NUP210L: variants seen among roughly 807,000 people sequenced by gnomAD.
NUP210L encodes the protein nuclear pore membrane glycoprotein 210-like.
Under a neutral mutation model 208.5 loss-of-function variants are expected in NUP210L, and 74 were observed. The observed-to-expected ratio is 0.35, with a 90% confidence interval of 0.29 to 0.43. NUP210L has a LOEUF of 0.43. Ranked by LOEUF, NUP210L falls within the 20% of genes least tolerant of loss-of-function variation. NUP210L has a pLI of 1.00. For missense variants in NUP210L, 1,843 were observed against 2,289.4 expected (o/e 0.81, Z 3.98); for synonymous variants, 780 against 816.9 (o/e 0.95, Z 0.77).
chr1:154,078,576 C>T lies in NUP210L; in HGVS notation c.2362-8111G>A, dbSNP rs534308558. On this transcript the variant is annotated intron_variant, in intron 16 of 39. Coordinates refer to ENST00000368559, the Ensembl canonical transcript of NUP210L. ...CATCACTGCACTCCAGCCTGGGCAACGAAGTGAGAATCTGTCTCAAAAAAA... is the reference window on the plus strand; with the variant it reads ...CATCACTGCACTCCAGCCTGGGCAATGAAGTGAGAATCTGTCTCAAAAAAA... 4.2e-5 allele frequency among the ~76,000 whole-genome samples: 6 copies of T among 144,554 alleles called. No homozygotes were observed. The South Asian group carries it at 6.5e-4, about 16-fold the overall frequency. 94.8% of individuals were successfully genotyped at this position (144,554 alleles called of 152,430 possible). A position where few individuals can be genotyped will look rare whatever the true frequency, so the allele number is the denominator to read the frequency against.
intron 24 of NUP210L, 126 bp from the exon 25 acceptor site, chr1:154,054,533 A>T (rs571230083): frequency 8.7e-5 from 76 of 875,326 alleles, no homozygotes; most frequent in Non-Finnish European, 1.2e-4. Context: ...CATATCCCAT[A>T]TCAACTCAAA....
chr1:153,994,143 G>A (rs1054965313), intron 38 of NUP210L, among the ~76,000 whole-genome samples: 6 of 152,114 alleles, frequency 3.9e-5, no homozygotes, highest in Admixed American at 2.6e-4. Flanking sequence ...GCCTCCCAAA[G>A]TGCTAGGATT....
intron 33 of NUP210L, among the ~76,000 whole-genome samples, chr1:154,014,382 T>C (rs944821486): frequency 1.3e-5 from 2 of 152,138 alleles, no homozygotes; most frequent in African/African-American, 4.8e-5. Flanking sequence ...TCTATGACAC[T>C]GTTTCTCTTT....
intron 33 of NUP210L, among the ~76,000 whole-genome samples, chr1:154,017,729 C>T (rs1437695034): frequency 6.6e-6 from 1 of 151,832 alleles, no homozygotes; most frequent in African/African-American, 2.4e-5. Flanking sequence ...GTTGGTCAGG[C>T]TGGGTCTCGA....
intron 27 of NUP210L, among the ~76,000 whole-genome samples, chr1:154,033,950 G>A (rs545247477): frequency 1.8e-4 from 28 of 152,042 alleles, no homozygotes; most frequent in African/African-American, 5.8e-4. Flanking sequence ...TTGAGATGGT[G>A]TCTAGCTCTG....
intron 27 of NUP210L, among the ~76,000 whole-genome samples, chr1:154,033,667 G>A (rs1322109409): frequency 6.6e-6 from 1 of 152,152 alleles, no homozygotes; most frequent in Non-Finnish European, 1.5e-5. Flanking sequence ...CATATAATTT[G>A]AAGTCAGGTA....
chr1:154,027,794 A>T (rs907075260), intron 28 of NUP210L, among the ~76,000 whole-genome samples, 197 bp from the exon 29 acceptor site: 2 of 152,178 alleles, frequency 1.3e-5, no homozygotes, highest in Non-Finnish European at 2.9e-5. Context: ...CTCAAAACGT[A>T]ACTAGATATT....
At chr1:153,999,734 CAAAAAAAA>C (rs1172554188) in intron 37 of NUP210L, among the ~76,000 whole-genome samples, 1 of 54,604 alleles carries the variant, frequency 1.8e-5, no homozygotes, top group Middle Eastern at 0.014. Context: ...AAGACTCTCT[CAAAAAAAA>C]AAAAAAAAAA....
chr1:154,013,006 CAAA>C (rs149011212), intron 33 of NUP210L, among the ~76,000 whole-genome samples: 2 of 72,630 alleles, frequency 2.8e-5, no homozygotes, highest in East Asian at 4.7e-4. Flanking sequence ...AACTCTGAAT[CAAA>C]AAAAAAAAAA....
In NUP210L at chr1:154,090,542, G is replaced by A. The variant is rs1655850721; in HGVS notation, c.2188-948C>T. On this transcript the variant is annotated intron_variant, in intron 15 of 39. Coordinates refer to ENST00000368559, the Ensembl canonical transcript of NUP210L. Reference sequence around the variant, plus strand: ...AAAATGGGCAAAGGCCCAGTGCGGTGGCTCACACCTGTAATCCCAGCACTT... The same window carrying A: ...AAAATGGGCAAAGGCCCAGTGCGGTAGCTCACACCTGTAATCCCAGCACTT... Among the ~76,000 whole-genome samples the A allele has an allele frequency of 4.6e-5, 7 of 152,316 alleles. 1 individual carries two copies. In the South Asian group the frequency reaches 1.2e-3, roughly 27 times the overall value.
intron 27 of NUP210L, among the ~76,000 whole-genome samples, chr1:154,033,670 G>A (rs950473979): frequency 2.6e-5 from 4 of 152,276 alleles, no homozygotes; most frequent in Middle Eastern, 3.4e-3. Context: ...ATAATTTGAA[G>A]TCAGGTAATA....
chr1:154,141,475 G>C, exon 4 of NUP210L: 1 of 1,612,910 alleles, frequency 6.2e-7, no homozygotes, highest in Non-Finnish European at 8.5e-7. Context: ...CGTTGTCCTG[G>C]GCAATGCTCC....
intron 17 of NUP210L, among the ~76,000 whole-genome samples, chr1:154,064,631 C>T (rs1654301423): frequency 6.6e-6 from 1 of 152,158 alleles, no homozygotes; most frequent in Non-Finnish European, 1.5e-5. Context: ...TATAGTCTGC[C>T]TTAGACTATA....
rs548182517 is a variant in NUP210L, at chr1:154,064,838, G to A, written c.2555-3164C>T. On this transcript the variant is annotated intron_variant, in intron 17 of 39. Transcript: ENST00000368559. ...GCCTGTAATCCCAGCACTTTGGAAG[G>A]CCGAGGCAGGCAGATCACTTGAGGT... Among the ~76,000 whole-genome samples the A allele has an allele frequency of 2.6e-5, 4 of 152,142 alleles. No homozygotes were observed. In the South Asian group the frequency reaches 8.3e-4, roughly 32 times the overall value.
chr1:154,117,942 T>TA, intron 11 of NUP210L, 62 bp from the exon 12 acceptor site: 2 of 1,211,996 alleles, frequency 1.7e-6, no homozygotes, highest in Non-Finnish European at 2.4e-6. Context: ...AGTGAAAATG[T>TA]AAAACTTGAC....
intron 30 of NUP210L, among the ~76,000 whole-genome samples, chr1:154,024,276 G>T (rs896403072): frequency 2.6e-5 from 4 of 152,136 alleles, no homozygotes; most frequent in Non-Finnish European, 5.9e-5. Context: ...TGAAGCCCGC[G>T]TTTGAATCAT....
intron 16 of NUP210L, among the ~76,000 whole-genome samples, chr1:154,082,911 A>C (rs1397030343): frequency 6.6e-6 from 1 of 151,606 alleles, no homozygotes; most frequent in East Asian, 1.9e-4. Flanking sequence ...AGACCTTCAC[A>C]GTTAGTGTTA....
chr1:154,154,812 T>G (rs1571340364), intron 1 of NUP210L, 30 bp downstream of exon 1: 1 of 1,552,598 alleles, frequency 6.4e-7, no homozygotes. Flanking sequence ...GTAGTGAGGG[T>G]GCATATCCTT....
chr1:154,042,101 TCTC>T (rs1652915213), intron 27 of NUP210L, among the ~76,000 whole-genome samples: 1 of 151,668 alleles, frequency 6.6e-6, no homozygotes, highest in South Asian at 2.1e-4. Flanking sequence ...TCTCTCTCTC[TCTC>T]TTTTTTTTTT....
Sources: allele counts gnomAD v4.1 joint callset (sites outside exome capture counted in the v4.1 genomes callset), GRCh38; gene constraint gnomAD v4.1.1; transcripts MANE v1.5; gene names NCBI Gene and HGNC (gene_info 2026-07-23, HGNC 2026-07-21).